The following BBX variants were observed in gnomAD, a reference collection of about 807,000 sequenced individuals.
BBX encodes the protein BBX high mobility group box domain containing, also known as HMG box transcription factor BBX.
A neutral mutation model predicts 100.2 loss-of-function variants in BBX; 30 were observed. That is an observed-to-expected ratio of 0.30 (90% CI 0.22 to 0.41). The LOEUF (loss-of-function observed/expected upper bound fraction) is 0.41, where lower values mean the gene tolerates loss of function less well. Ranked by LOEUF, BBX falls within the 10% of genes least tolerant of loss-of-function variation. The pLI is 1.00. For synonymous variants in BBX, 376 were observed against 388.1 expected, an observed-to-expected ratio of 0.97 and a Z score of 0.37; for missense variants, 1,023 against 1,129.8, an observed-to-expected ratio of 0.91 and a Z score of 1.35.
At chr3:107,620,645 C>T (rs1185247342) in intron 2 of BBX, among the ~76,000 whole-genome samples, 1 of 152,162 alleles carries the variant, frequency 6.6e-6, no homozygotes, top group Non-Finnish European at 1.5e-5. Flanking sequence ...GTTTTTCATT[C>T]CTGCTGGGCA....
chr3:107,790,887 T>C (rs921491742), intron 14 of BBX, among the ~76,000 whole-genome samples: 5 of 152,240 alleles, frequency 3.3e-5, no homozygotes, highest in Admixed American at 1.3e-4. Flanking sequence ...GTTTTGTATA[T>C]TGATATTATT....
At chr3:107,612,293 T>A (rs1203015203) in intron 2 of BBX, among the ~76,000 whole-genome samples, 1 of 152,160 alleles carries the variant, frequency 6.6e-6, no homozygotes, top group African/African-American at 2.4e-5. Context: ...TGTTTGTGGA[T>A]GTTCATTGGT....
At chr3:107,726,611 T>G (rs140126385) in intron 5 of BBX, among the ~76,000 whole-genome samples, 8 of 152,184 alleles carry the variant, frequency 5.3e-5, no homozygotes, top group Non-Finnish European at 1.2e-4. Flanking sequence ...TTCCCGGCCT[T>G]TCTCTTGCTC....
At chr3:107,763,744 G>A (rs928629168) in intron 10 of BBX, among the ~76,000 whole-genome samples, 2 of 152,134 alleles carry the variant, frequency 1.3e-5, no homozygotes, top group South Asian at 2.1e-4. Flanking sequence ...AGGAATCCTA[G>A]GTATTAACAT....
intron 2 of BBX, among the ~76,000 whole-genome samples, chr3:107,583,182 C>T (rs770962559): frequency 1.3e-5 from 2 of 151,800 alleles, no homozygotes; most frequent in Non-Finnish European, 2.9e-5. Flanking sequence ...TTTGGCTATA[C>T]AGAGGACCTT....
intron 3 of BBX, among the ~76,000 whole-genome samples, chr3:107,664,420 A>G (rs1390571995): frequency 6.6e-6 from 1 of 152,222 alleles, no homozygotes; most frequent in East Asian, 1.9e-4. Flanking sequence ...TTTAGGAATG[A>G]TACTTTGCAT....
intron 2 of BBX, among the ~76,000 whole-genome samples, chr3:107,593,920 A>G (rs1329526664): frequency 6.6e-6 from 1 of 152,244 alleles, no homozygotes; most frequent in African/African-American, 2.4e-5. Context: ...CATATGATTT[A>G]AGATTTGCCA....
rs2071176433 is a variant in BBX, at chr3:107,808,685, C to T, written c.*3228C>T. On this transcript the variant is annotated 3_prime_UTR_variant, in exon 18 of 18. Coordinates refer to ENST00000325805, the MANE Select transcript of BBX (RefSeq NM_001142568.3). ...GAGATCAGGAAAAAGAAAAATGTCCCACAGCCACATTGGAAATACAGGTTC... is the reference window on the plus strand; with the variant it reads ...GAGATCAGGAAAAAGAAAAATGTCCTACAGCCACATTGGAAATACAGGTTC... The T allele has an allele frequency of 6.6e-6, 1 of 152,124 alleles. No individual in the cohort carries two copies. Among genetic ancestry groups the T allele is most frequent in the Non-Finnish European group, 1.5e-5 (1 of 68,014 alleles). 9.4% of individuals were successfully genotyped at this position (152,124 alleles called of 1,614,324 possible). A position where few individuals can be genotyped will look rare whatever the true frequency, so the allele number is the denominator to read the frequency against.
At chr3:107,690,527 G>A (rs767297311) in intron 3 of BBX, among the ~76,000 whole-genome samples, 3 of 152,150 alleles carry the variant, frequency 2.0e-5, no homozygotes, top group Non-Finnish European at 4.4e-5. Flanking sequence ...AACTCAATAT[G>A]TGGATGGTTA....
At chr3:107,763,060 C>T (rs961931396) in intron 10 of BBX, among the ~76,000 whole-genome samples, 1 of 152,094 alleles carries the variant, frequency 6.6e-6, no homozygotes, top group Admixed American at 6.5e-5. Flanking sequence ...ATTTTGTGTT[C>T]AGACTTGGGT....
At chr3:107,654,309 A>G (rs1478938404) in intron 3 of BBX, among the ~76,000 whole-genome samples, 4 of 152,160 alleles carry the variant, frequency 2.6e-5, no homozygotes, top group African/African-American at 9.7e-5. Context: ...TTATTCACCT[A>G]GAGTTTCACT....
intron 2 of BBX, among the ~76,000 whole-genome samples, chr3:107,561,886 T>G (rs1281449103): frequency 6.6e-6 from 1 of 152,254 alleles, no homozygotes; most frequent in Non-Finnish European, 1.5e-5. Flanking sequence ...TATTTCTTTT[T>G]CAGTTTAATT....
chr3:107,723,980 C>T (rs879333476), intron 5 of BBX, among the ~76,000 whole-genome samples: 6 of 152,270 alleles, frequency 3.9e-5, no homozygotes, highest in Middle Eastern at 3.4e-3. Flanking sequence ...CTTGAGGAAT[C>T]GCCACACTGT....
chr3:107,667,032 A>T (rs1258176698), intron 3 of BBX, among the ~76,000 whole-genome samples: 1 of 152,222 alleles, frequency 6.6e-6, no homozygotes, highest in Non-Finnish European at 1.5e-5. Flanking sequence ...TGCTTACTTG[A>T]CAAAACTGTT....
chr3:107,545,668 A>G (rs1298815507), intron 2 of BBX, among the ~76,000 whole-genome samples: 1 of 152,202 alleles, frequency 6.6e-6, no homozygotes, highest in East Asian at 1.9e-4. Flanking sequence ...AACAAGAGCA[A>G]TAATGACCTT....
chr3:107,764,432 T>C (rs2066201828), intron 10 of BBX, among the ~76,000 whole-genome samples: 1 of 152,238 alleles, frequency 6.6e-6, no homozygotes, highest in Non-Finnish European at 1.5e-5. Flanking sequence ...TGAAAGGTAC[T>C]AGGGTATTCT....
chr3:107,535,458 A>G (rs532385672), intron 2 of BBX, among the ~76,000 whole-genome samples: 9 of 152,186 alleles, frequency 5.9e-5, no homozygotes, highest in South Asian at 2.1e-4. Context: ...TGGTATATCT[A>G]GTATAGAAAT....
intron 7 of BBX, among the ~76,000 whole-genome samples, chr3:107,740,529 A>T (rs1281076464): frequency 6.6e-6 from 1 of 152,024 alleles, no homozygotes; most frequent in Non-Finnish European, 1.5e-5. Flanking sequence ...CACTGACAGA[A>T]TTACCTGACT....
intron 3 of BBX, among the ~76,000 whole-genome samples, chr3:107,665,592 C>T (rs897743236): frequency 6.6e-6 from 1 of 152,106 alleles, no homozygotes; most frequent in African/African-American, 2.4e-5. Context: ...TTCTCTTCCT[C>T]TCTTTGTTCT....
Sources: gnomAD v4.1 joint callset for allele counts (sites outside exome capture counted in the v4.1 genomes callset) on GRCh38, gnomAD v4.1.1 for gene constraint, MANE v1.5 for transcripts, NCBI Gene and HGNC (gene_info 2026-07-23, HGNC 2026-07-21) for gene names.